Variants in DPYD observed in about 807,000 individuals in gnomAD.
DPYD encodes dihydropyrimidine dehydrogenase [NADP(+)].
A neutral mutation model predicts 116.2 loss-of-function variants in DPYD; 109 were observed. The ratio of observed to expected loss-of-function variants is 0.94; its 90% CI spans 0.80 to 1.10. The LOEUF is 1.10. Among genes scored for constraint, DPYD ranks in the 50% least tolerant of loss-of-function variants. DPYD has a pLI of 0.00. For synonymous variants in DPYD, 440 were observed against 432.0 expected (o/e 1.02, Z -0.23); for missense variants, 1,302 against 1,254.5 (o/e 1.04, Z -0.57).
Position 97,536,030 on chromosome 1 carries a change from G to T in DPYD, c.1524+13530C>A, listed in dbSNP as rs151117574. On this transcript the variant is annotated intron_variant, in intron 12 of 22. Transcript: ENST00000370192. ...GTATGTTTATTTATAAGCAACTGAA[G>T]AAGACTTCATTTTTCTATGACTGTA... Among the ~76,000 whole-genome samples the T allele has an allele frequency of 3.2e-4, 48 of 152,324 alleles. 1 individual carries two copies. Among genetic ancestry groups the T allele is most frequent in the Middle Eastern group, 6.8e-3 (2 of 294 alleles).
intron 2 of DPYD, among the ~76,000 whole-genome samples, chr1:97,847,995 A>G (rs1670387834): frequency 6.6e-6 from 1 of 152,200 alleles, no homozygotes; most frequent in African/African-American, 2.4e-5. Context: ...ACCCACAAAG[A>G]ACATACAATA....
At chr1:97,211,979 T>C (rs1660060342) in intron 19 of DPYD, among the ~76,000 whole-genome samples, 1 of 152,138 alleles carries the variant, frequency 6.6e-6, no homozygotes, top group Non-Finnish European at 1.5e-5. Context: ...TCGCTCCCAA[T>C]TCAGATTTCA....
chr1:97,663,531 T>C (rs1025856193), intron 8 of DPYD, among the ~76,000 whole-genome samples: 3 of 152,208 alleles, frequency 2.0e-5, no homozygotes, highest in Admixed American at 1.3e-4. Context: ...CTTGCTTGAA[T>C]TATTCCAATA....
At chr1:97,424,256 T>C (rs1441828381) in intron 14 of DPYD, among the ~76,000 whole-genome samples, 2 of 152,076 alleles carry the variant, frequency 1.3e-5, no homozygotes, top group African/African-American at 2.4e-5. Flanking sequence ...AATGGGTGTT[T>C]CGTGGTTACA....
intron 19 of DPYD, among the ~76,000 whole-genome samples, chr1:97,193,462 A>T (rs903630016): frequency 6.6e-6 from 1 of 152,166 alleles, no homozygotes; most frequent in Non-Finnish European, 1.5e-5. Flanking sequence ...TTTTTCATAA[A>T]CTTGCAATGG....
At chr1:97,450,520 G>C (rs1243162912) in intron 13 of DPYD, among the ~76,000 whole-genome samples, 5 of 151,886 alleles carry the variant, frequency 3.3e-5, no homozygotes, top group Non-Finnish European at 5.9e-5. Flanking sequence ...ATTTTAATTT[G>C]TTTGCAATTA....
chr1:97,288,123 C>G (rs1480508413), intron 18 of DPYD, among the ~76,000 whole-genome samples: 1 of 151,686 alleles, frequency 6.6e-6, no homozygotes, highest in Non-Finnish European at 1.5e-5. Flanking sequence ...ATCAATTCAA[C>G]AAGAAAAGCT....
intron 14 of DPYD, among the ~76,000 whole-genome samples, chr1:97,433,975 T>C (rs1276780877): frequency 6.6e-6 from 1 of 152,122 alleles, no homozygotes; most frequent in African/African-American, 2.4e-5. Context: ...ATTTCCTATA[T>C]TAAGACATCT....
chr1:97,308,002 T>C (rs764793352), intron 16 of DPYD, among the ~76,000 whole-genome samples: 1 of 151,868 alleles, frequency 6.6e-6, no homozygotes, highest in Non-Finnish European at 1.5e-5. Context: ...GAATGTGTCC[T>C]GATAAGAATT....
chr1:97,796,978 C>T (rs1304983862), intron 3 of DPYD: 1 of 152,070 alleles, frequency 6.6e-6, no homozygotes, highest in African/African-American at 2.4e-5. Flanking sequence ...CATAGCATAA[C>T]AATCACCCCT....
intron 3 of DPYD, among the ~76,000 whole-genome samples, chr1:97,757,130 C>T (rs551071686): frequency 1.3e-5 from 2 of 152,120 alleles, no homozygotes; most frequent in Non-Finnish European, 2.9e-5. Flanking sequence ...TGTTTGAGTA[C>T]CTGTTAGGTC....
intron 18 of DPYD, among the ~76,000 whole-genome samples, chr1:97,240,680 ACTGT>A (rs965729691): frequency 6.6e-6 from 1 of 152,010 alleles, no homozygotes; most frequent in African/African-American, 2.4e-5. Context: ...TTGAACCTTG[ACTGT>A]CTAATTGTTA....
chr1:97,560,381 G>A (rs185149903), intron 11 of DPYD, among the ~76,000 whole-genome samples: 26 of 152,154 alleles, frequency 1.7e-4, no homozygotes, highest in East Asian at 7.7e-4. Flanking sequence ...TCAATGAACC[G>A]TAAAAAGGTG....
chr1:97,208,939 G>A (rs570175026), intron 19 of DPYD, among the ~76,000 whole-genome samples: 3 of 152,108 alleles, frequency 2.0e-5, no homozygotes, highest in Non-Finnish European at 4.4e-5. Context: ...GTATCTGAAT[G>A]TGCAACTGGT....
At chr1:97,177,875 T>C (rs1205744810) in intron 20 of DPYD, among the ~76,000 whole-genome samples, 1 of 152,120 alleles carries the variant, frequency 6.6e-6, no homozygotes, top group African/African-American at 2.4e-5. Context: ...AAGTTCAAGA[T>C]TGAGACGCTG....
chr1:97,290,660 C>T (rs558980674), intron 18 of DPYD, among the ~76,000 whole-genome samples: 2 of 152,102 alleles, frequency 1.3e-5, no homozygotes, highest in South Asian at 4.1e-4. Flanking sequence ...TGGATCCCTT[C>T]CTTACACCTT....
intron 8 of DPYD, among the ~76,000 whole-genome samples, chr1:97,618,117 C>T (rs1488923845): frequency 4.6e-5 from 7 of 152,056 alleles, no homozygotes; most frequent in Admixed American, 2.6e-4. Flanking sequence ...AAATCATTGC[C>T]CTGCCTTGCT....
intron 1 of DPYD, among the ~76,000 whole-genome samples, chr1:97,887,789 G>A (rs951356439): frequency 9.2e-5 from 14 of 151,900 alleles, no homozygotes; most frequent in African/African-American, 2.2e-4. Context: ...GGAGGGACCC[G>A]GTGGGAGATA....
chr1:97,677,278 G>A (rs988029144), intron 8 of DPYD, among the ~76,000 whole-genome samples: 1 of 152,078 alleles, frequency 6.6e-6, no homozygotes, highest in Non-Finnish European at 1.5e-5. Flanking sequence ...TGTAGATGAA[G>A]TTCTTACAGA....
Sources: allele counts gnomAD v4.1 joint callset (sites outside exome capture counted in the v4.1 genomes callset), GRCh38; gene constraint gnomAD v4.1.1; transcripts MANE v1.5; gene names NCBI Gene and HGNC (gene_info 2026-07-23, HGNC 2026-07-21).